COL15A1: variants seen among roughly 807,000 people sequenced by gnomAD.
The protein encoded by COL15A1 is collagen alpha-1(XV) chain.
Under a neutral mutation model 165.9 loss-of-function variants are expected in COL15A1, and 111 were observed. The ratio of observed to expected loss-of-function variants is 0.67; its 90% confidence interval spans 0.57 to 0.78. The LOEUF (loss-of-function observed/expected upper bound fraction) is 0.78. Ranked by LOEUF, COL15A1 falls within the 30% of genes least tolerant of loss-of-function variation. COL15A1 has a pLI of 0.00. For synonymous variants in COL15A1, 659 were observed against 674.8 expected, an observed-to-expected ratio of 0.98 and a Z score of 0.36; for missense variants, 1,745 against 1,789.7, an observed-to-expected ratio of 0.98 and a Z score of 0.45.
At chr9:98,991,051 C>T (rs958198725) in intron 5 of COL15A1, among the ~76,000 whole-genome samples, 4 of 152,142 alleles carry the variant, frequency 2.6e-5, no homozygotes, top group African/African-American at 9.7e-5. Flanking sequence ...TTTGTTCCTC[C>T]CGGTGGGTTC....
At chr9:99,063,376 T>C (rs1354365367) in intron 39 of COL15A1, among the ~76,000 whole-genome samples, 1 of 151,742 alleles carries the variant, frequency 6.6e-6, no homozygotes, top group Non-Finnish European at 1.5e-5. Context: ...AGTTCGGGAG[T>C]GAGCCAGGTG....
rs553702288 is a variant in COL15A1, at chr9:99,022,923, T to C, written c.1762-434T>C. ...GTGTGTCTCAGGTTTGGGCTGGCTCTTGAGCCCTAGTTTAGAGGAGCCGAT... is the reference window on the plus strand; with the variant it reads ...GTGTGTCTCAGGTTTGGGCTGGCTCCTGAGCCCTAGTTTAGAGGAGCCGAT... On this transcript the variant is annotated intron_variant, in intron 13 of 41. Transcript: ENST00000375001. Among the ~76,000 whole-genome samples the C allele has an allele frequency of 1.6e-3, 241 of 152,334 alleles. 2 individuals are homozygous for C. The highest frequency in any genetic ancestry group is 5.7e-3 in the African/African-American group (237 of 41,568).
chr9:99,027,712 A>G (rs116270198), intron 16 of COL15A1, among the ~76,000 whole-genome samples: 13 of 152,272 alleles, frequency 8.5e-5, no homozygotes, highest in African/African-American at 3.1e-4. Context: ...GATCAATCAC[A>G]TTTGTTTCTG....
Position 99,059,670 on chromosome 9 carries a change from T to G in COL15A1, c.3338-219T>G, listed in dbSNP as rs1480417460. On this transcript the variant is annotated intron_variant, in intron 35 of 41. Transcript: ENST00000375001. The stretch of plus-strand genomic sequence containing the variant: ...CGGAAAAGCACTAGCCATGGCTTCA[T>G]CCAGGGTAACAATCAAGAATCCCAG... Among the ~76,000 whole-genome samples, 3 of 152,242 alleles carry G rather than the reference T, an allele frequency of 2.0e-5. No individual in the cohort carries two copies. The East Asian group carries it at 5.8e-4, about 29-fold the overall frequency.
chr9:99,040,617 C>G (rs1374907002), intron 23 of COL15A1, 61 bp downstream of exon 23: 2 of 1,613,628 alleles, frequency 1.2e-6, no homozygotes, highest in African/African-American at 1.3e-5. Flanking sequence ...TCTGTTCCTT[C>G]CACCTAGAAT....
chr9:99,022,257 C>A, intron 13 of COL15A1, 107 bp downstream of exon 13: 1 of 1,410,430 alleles, frequency 7.1e-7, no homozygotes, highest in Non-Finnish European at 1.0e-6. Flanking sequence ...AAGTATCTTG[C>A]AGTCAGACCC....
chr9:99,015,214 G>A (rs1490434141), intron 9 of COL15A1, among the ~76,000 whole-genome samples: 1 of 152,118 alleles, frequency 6.6e-6, no homozygotes, highest in African/African-American at 2.4e-5. Flanking sequence ...AAGGGACTCT[G>A]GGGTGGGTGG....
At chr9:99,031,805 A>G (rs1386066420) in intron 16 of COL15A1, among the ~76,000 whole-genome samples, 1 of 152,198 alleles carries the variant, frequency 6.6e-6, no homozygotes, top group Non-Finnish European at 1.5e-5. Context: ...TAATATATGA[A>G]TATAGTTTTC....
At chr9:98,968,467 GC>G (rs1837992032) in intron 2 of COL15A1, among the ~76,000 whole-genome samples, 1 of 152,036 alleles carries the variant, frequency 6.6e-6, no homozygotes, top group Non-Finnish European at 1.5e-5. Flanking sequence ...GCAATCCTTG[GC>G]TTGTGTCCAC....
intron 35 of COL15A1, among the ~76,000 whole-genome samples, chr9:99,057,971 A>G (rs1825751053): frequency 1.3e-5 from 2 of 152,150 alleles, no homozygotes. Flanking sequence ...ACTGGGTGTG[A>G]AGGAGGGAGT....
chr9:99,034,507 T>C (rs1425498667), intron 16 of COL15A1, 42 bp from the exon 17 acceptor site: 1 of 1,569,816 alleles, frequency 6.4e-7, no homozygotes. Context: ...CCTCATGACA[T>C]ATGCATTAAT....
intron 32 of COL15A1, 61 bp from the exon 33 acceptor site, chr9:99,055,041 A>C: frequency 1.4e-6 from 2 of 1,412,852 alleles, no homozygotes; most frequent in Non-Finnish European, 2.0e-6. Flanking sequence ...CAACTTAGAG[A>C]CTTTTATTTT....
rs57568579 is a variant in COL15A1 at position 99,060,256 on chromosome 9, A to ATTT, written c.3402+311_3402+313dup. ...TTTTTATATATATATATATATATAT[A>ATTT]TTTTTTTTTTGCTGGATGAGGGGTG... On this transcript the variant is annotated intron_variant, in intron 36 of 41. Coordinates refer to ENST00000375001, the MANE Select transcript of COL15A1 (RefSeq NM_001855.5). Among the ~76,000 whole-genome samples the ATTT allele has an allele frequency of 6.3e-3, 859 of 137,134 alleles. 26 individuals are homozygous for ATTT. The South Asian group carries it at 0.076, about 12-fold the overall frequency. 90.0% of individuals were successfully genotyped at this position (137,134 alleles called of 152,430 possible).
intron 5 of COL15A1, among the ~76,000 whole-genome samples, chr9:98,994,335 A>G (rs1479940622): frequency 6.6e-6 from 1 of 152,076 alleles, no homozygotes; most frequent in East Asian, 1.9e-4. Flanking sequence ...CTCTGGACAG[A>G]CCGAGCACTT....
At chr9:99,055,411 T>G (rs1247099387) in intron 34 of COL15A1, 39 bp downstream of exon 34, 2 of 1,297,280 alleles carry the variant, frequency 1.5e-6, no homozygotes, top group African/African-American at 2.9e-5. Flanking sequence ...CCCCAAAGAC[T>G]TACAGCTTTC....
intron 2 of COL15A1, among the ~76,000 whole-genome samples, chr9:98,952,612 C>T (rs868806895): frequency 2.2e-4 from 34 of 152,030 alleles, no homozygotes; most frequent in Non-Finnish European, 4.1e-4. Context: ...GTCTTGAACT[C>T]CTGGGCTCAA....
intron 39 of COL15A1, among the ~76,000 whole-genome samples, chr9:99,065,737 T>C (rs1825881174): frequency 6.7e-6 from 1 of 149,160 alleles, no homozygotes; most frequent in Non-Finnish European, 1.5e-5. Flanking sequence ...GTGGCAGCCT[T>C]GGGGTCTGTC....
chr9:98,976,395 G>A (rs1838142771), intron 2 of COL15A1, among the ~76,000 whole-genome samples: 1 of 152,182 alleles, frequency 6.6e-6, no homozygotes, highest in East Asian at 1.9e-4. Context: ...GATCAGGGAG[G>A]GGGACTAGCT....
At chr9:99,023,311 A>G in intron 13 of COL15A1, 46 bp from the exon 14 acceptor site, 2 of 1,561,274 alleles carry the variant, frequency 1.3e-6, no homozygotes, top group South Asian at 2.4e-5. Flanking sequence ...CTGTCCTTGG[A>G]GTCTGGCAGT....
Sources: allele counts gnomAD v4.1 joint callset (sites outside exome capture counted in the v4.1 genomes callset), GRCh38; gene constraint gnomAD v4.1.1; transcripts MANE v1.5; gene names NCBI Gene and HGNC (gene_info 2026-07-23, HGNC 2026-07-21).